The following ABCG1 variants were observed in gnomAD, a reference collection of about 807,000 sequenced individuals.
The protein encoded by ABCG1 is ATP binding cassette subfamily G member 1, also known as ATP-binding cassette sub-family G member 1.
ABCG1 carries 29 observed loss-of-function variants against 69.2 expected under a neutral mutation model. The observed-to-expected ratio is 0.42, with a 90% confidence interval of 0.31 to 0.57. The LOEUF is 0.57. ABCG1 is among the 20% of genes least tolerant of loss of function. ABCG1 has a pLI of 0.15. For synonymous variants in ABCG1, 370 were observed against 374.8 expected (o/e 0.99, Z 0.15); for missense variants, 718 against 898.1 (o/e 0.80, Z 2.56).
At chr21:42,282,817 T>C (rs1192471700) in intron 6 of ABCG1, among the ~76,000 whole-genome samples, 3 of 152,178 alleles carry the variant, frequency 2.0e-5, no homozygotes, top group Non-Finnish European at 4.4e-5. Flanking sequence ...GGCTCAGAGA[T>C]GCCTGCAGGA....
chr21:42,224,051 C>T (rs2067773789), intron 1 of ABCG1, among the ~76,000 whole-genome samples: 1 of 152,168 alleles, frequency 6.6e-6, no homozygotes. Context: ...TCGGGGGTCA[C>T]GTGGCAGAGC....
intron 10 of ABCG1, among the ~76,000 whole-genome samples, chr21:42,289,581 G>A (rs2069014566): frequency 6.6e-6 from 1 of 152,122 alleles, no homozygotes. Context: ...TTGACAATCT[G>A]GCCACCTACT....
chr21:42,270,708 C>T (rs2068600020), intron 2 of ABCG1, among the ~76,000 whole-genome samples: 1 of 152,156 alleles, frequency 6.6e-6, no homozygotes, highest in Non-Finnish European at 1.5e-5. Flanking sequence ...GGGTTCTGCC[C>T]ATACTGGCCG....
At chr21:42,248,823 G>A (rs956578678) in intron 2 of ABCG1, among the ~76,000 whole-genome samples, 14 of 150,816 alleles carry the variant, frequency 9.3e-5, no homozygotes, top group Non-Finnish European at 1.8e-4. Flanking sequence ...AGGACTTTTT[G>A]AGCCAGGGAG....
At chr21:42,278,867 T>C (rs2068755924) in intron 5 of ABCG1, among the ~76,000 whole-genome samples, 2 of 152,108 alleles carry the variant, frequency 1.3e-5, no homozygotes, top group Admixed American at 1.3e-4. Flanking sequence ...TCACTCTCCC[T>C]GTCTGAGGTC....
rs1391849242 is a variant in ABCG1, at chr21:42,297,053, A to G, written c.*661A>G. 1 of 153,798 alleles carries G rather than the reference A, an allele frequency of 6.5e-6. No individual in the cohort carries two copies. The allele number at this position is 153,798 out of a possible 1,614,324, so 9.5% of individuals were successfully genotyped here. ...GTCACCCAGCTGGTCTCATACATAG[A>G]CAGCACTTGTGAAGGATTGAATGCA... On this transcript the variant is annotated 3_prime_UTR_variant, in exon 15 of 15. Coordinates refer to ENST00000398449, the MANE Select transcript of ABCG1 (RefSeq NM_016818.3).
In ABCG1 at chr21:42,285,974, A is replaced by T; in HGVS notation, c.953A>T (p.Tyr318Phe). Residue 318 changes from tyrosine (Y) to phenylalanine (F), a missense_variant, in exon 8 of 15, where the codon TAC becomes TTC. This residue lies in a region of ABCG1 where 514 missense variants were observed against 574.3 expected (regional missense o/e 0.90). Transcript: ENST00000398449. Reference protein sequence around the residue: ...LRDLGLNCPTYHNPADFVMEV... With the variant: ...LRDLGLNCPTFHNPADFVMEV... ...GATTTGGGTCTGAACTGCCCAACCT[A>T]CCACAACCCAGCAGATTTTGGTAAG... 1 of 1,613,650 alleles carries T rather than the reference A, an allele frequency of 6.2e-7. No homozygotes were observed. Among genetic ancestry groups the T allele is most frequent in the South Asian group, 1.1e-5 (1 of 91,064 alleles).
chr21:42,260,274 G>T, intron 2 of ABCG1: 1 of 1,478,550 alleles, frequency 6.8e-7, no homozygotes. Flanking sequence ...CCACCACGGA[G>T]CCGAATGGTG....
chr21:42,210,046 T>C (rs2067574154), intron 2 of ABCG1, among the ~76,000 whole-genome samples: 1 of 151,798 alleles, frequency 6.6e-6, no homozygotes. Context: ...AAGGGCTTTG[T>C]CACTTCCTTC....
chr21:42,294,920 TTG>T, intron 14 of ABCG1: 1 of 439,240 alleles, frequency 2.3e-6, no homozygotes, highest in Non-Finnish European at 4.2e-6. Context: ...GTTCTGGACG[TTG>T]CCGAGAGCTG....
intron 2 of ABCG1, among the ~76,000 whole-genome samples, chr21:42,255,101 A>G (rs2068280776): frequency 6.6e-6 from 1 of 152,256 alleles, no homozygotes. Flanking sequence ...TGCTTTTAGA[A>G]GTATAAAAAT....
chr21:42,247,587 G>A (rs2068152443), intron 2 of ABCG1, among the ~76,000 whole-genome samples: 1 of 152,172 alleles, frequency 6.6e-6, no homozygotes, highest in Non-Finnish European at 1.5e-5. Flanking sequence ...ATGGTGTAGT[G>A]GGTTGATGGT....
intron 1 of ABCG1, chr21:42,220,149 C>G (rs929303163): frequency 9.6e-7 from 1 of 1,045,272 alleles, no homozygotes; most frequent in African/African-American, 1.6e-5. Flanking sequence ...ACCCACCTCA[C>G]CTTATCCTAG....
chr21:42,277,771 GGCC>G (rs2068736623), intron 5 of ABCG1, among the ~76,000 whole-genome samples: 1 of 152,234 alleles, frequency 6.6e-6, no homozygotes, highest in African/African-American at 2.4e-5. Context: ...GGCTCGACAT[GGCC>G]CTTTGTGTTC....
chr21:42,280,796 G>A (rs575981263), intron 5 of ABCG1, among the ~76,000 whole-genome samples: 3 of 152,218 alleles, frequency 2.0e-5, no homozygotes, highest in Non-Finnish European at 4.4e-5. Flanking sequence ...CACTCAGTCG[G>A]CCAAGAGCGT....
intron 14 of ABCG1, 107 bp downstream of exon 14, chr21:42,294,767 G>A (rs1181134129): frequency 3.0e-6 from 3 of 999,116 alleles, no homozygotes; most frequent in Non-Finnish European, 4.8e-6. Flanking sequence ...TGCTGGCCAA[G>A]AGCAGATTAC....
rs573604820 is a variant in ABCG1, at chr21:42,206,656, T to C, written c.48+4933T>C. 2.2e-4 allele frequency among the ~76,000 whole-genome samples: 33 copies of C among 152,304 alleles called. 2 individuals are homozygous for C. In the South Asian group the frequency reaches 6.8e-3, roughly 32 times the overall value. The stretch of plus-strand genomic sequence containing the variant: ...ATTTTTTGTAGACATGGGACCTCAC[T>C]ATGTTGCCCAGGCTGATCTCAAACT... On this transcript the variant is annotated intron_variant, in intron 2 of 15. Transcript: ENST00000398457.
rs186541487 is a variant in ABCG1, at chr21:42,287,217, G to A, written c.974-672G>A. On this transcript the variant is annotated intron_variant, in intron 8 of 14. Transcript: ENST00000398449. The surrounding 1 kb of genome is among the most constrained non-coding windows in gnomAD (Gnocchi z 6.2). ...CAGAGGGAAGGAGGCCAGTCACCACGGGAGTGTGGAAGGAGTTGCAGGCTG... is the reference window on the plus strand; with the variant it reads ...CAGAGGGAAGGAGGCCAGTCACCACAGGAGTGTGGAAGGAGTTGCAGGCTG... 5.6e-4 allele frequency among the ~76,000 whole-genome samples: 85 copies of A among 152,318 alleles called. No homozygotes were observed. The highest frequency in any genetic ancestry group is 1.3e-3 in the Admixed American group (20 of 15,308).
At chr21:42,228,256 G>A (rs3787965) in intron 2 of ABCG1, among the ~76,000 whole-genome samples, 29,205 of 152,142 alleles carry the variant, frequency 0.19, 3,285 homozygotes, top group Middle Eastern at 0.3. Flanking sequence ...ATGGGCCGCC[G>A]AGGGACCTGC....
Sources: gnomAD v4.1 joint callset for allele counts (sites outside exome capture counted in the v4.1 genomes callset) on GRCh38, gnomAD v4.1.1 for gene constraint, gnomAD v4.1.1 regional missense constraint, Gnocchi (gnomAD v3.1) non-coding constraint, MANE v1.5 for transcripts, NCBI Gene and HGNC (gene_info 2026-07-23, HGNC 2026-07-21) for gene names.